ADAMTS18: variants seen among roughly 807,000 people sequenced by gnomAD.
The protein encoded by ADAMTS18 is A disintegrin and metalloproteinase with thrombospondin motifs 18.
Under a neutral mutation model 165.9 loss-of-function variants are expected in ADAMTS18, and 157 were observed. The observed-to-expected ratio is 0.95, with a 90% CI of 0.83 to 1.08. The LOEUF is 1.08. ADAMTS18 is among the 50% of genes least tolerant of loss of function. The pLI is 0.00. For missense variants in ADAMTS18, 2,040 were observed against 1,534.0 expected, an observed-to-expected ratio of 1.33 and a Z score of -5.51; for synonymous variants, 782 against 578.2, an observed-to-expected ratio of 1.35 and a Z score of -5.06.
At chr16:77,314,769 TATATATATATATATATAAA>T (rs2055854135) in intron 16 of ADAMTS18, among the ~76,000 whole-genome samples, 1 of 88,558 alleles carries the variant, frequency 1.1e-5, no homozygotes, top group African/African-American at 4.7e-5. Flanking sequence ...TATATATATA[TATATATATATATATATAAA>T]ATATATGTGA....
intron 3 of ADAMTS18, among the ~76,000 whole-genome samples, chr16:77,369,421 C>T (rs1032043125): frequency 6.6e-6 from 1 of 151,776 alleles, no homozygotes; most frequent in African/African-American, 2.4e-5. Flanking sequence ...CCTTGAGGTG[C>T]AATATTAAGT....
chr16:77,383,621 G>C (rs2057064418), intron 3 of ADAMTS18, among the ~76,000 whole-genome samples: 1 of 151,992 alleles, frequency 6.6e-6, no homozygotes. Flanking sequence ...TCAGCTCACT[G>C]CAACCTCCAC....
At chr16:77,378,365 C>G (rs544446269) in intron 3 of ADAMTS18, among the ~76,000 whole-genome samples, 5 of 146,102 alleles carry the variant, frequency 3.4e-5, no homozygotes, top group African/African-American at 1.0e-4. Flanking sequence ...AAAAAAAAAA[C>G]CAAGCCCTTT....
At chr16:77,382,971 G>T (rs1481722693) in intron 3 of ADAMTS18, among the ~76,000 whole-genome samples, 1 of 152,190 alleles carries the variant, frequency 6.6e-6, no homozygotes, top group African/African-American at 2.4e-5. Context: ...TGTGAATTTT[G>T]TGATCCAATG....
chr16:77,369,746 T>A (rs776886698), intron 3 of ADAMTS18, among the ~76,000 whole-genome samples: 1 of 152,138 alleles, frequency 6.6e-6, no homozygotes, highest in Non-Finnish European at 1.5e-5. Flanking sequence ...TCATTCTACA[T>A]GGCCTGCATC....
chr16:77,339,989 A>G (rs1042246549), intron 11 of ADAMTS18, among the ~76,000 whole-genome samples: 2 of 152,216 alleles, frequency 1.3e-5, no homozygotes, highest in East Asian at 3.9e-4. Context: ...TTAACCCACA[A>G]CCCAACAACC....
chr16:77,339,200 A>G (rs1487320091), intron 11 of ADAMTS18, among the ~76,000 whole-genome samples: 2 of 152,154 alleles, frequency 1.3e-5, no homozygotes, highest in African/African-American at 2.4e-5. Context: ...AGCCAGTGAT[A>G]TCCCCTGGTG....
chr16:77,300,832 T>C (rs971071222), intron 16 of ADAMTS18, among the ~76,000 whole-genome samples: 10 of 152,160 alleles, frequency 6.6e-5, no homozygotes, highest in Non-Finnish European at 1.5e-4. Context: ...TCTACATATA[T>C]ATATTTTTAT....
chr16:77,427,106 G>T (rs951699541), intron 3 of ADAMTS18, among the ~76,000 whole-genome samples: 2 of 152,144 alleles, frequency 1.3e-5, no homozygotes, highest in African/African-American at 4.8e-5. Flanking sequence ...TCAGATATTC[G>T]TATGCATCAG....
intron 16 of ADAMTS18, among the ~76,000 whole-genome samples, chr16:77,316,206 C>T (rs936237372): frequency 2.0e-5 from 3 of 152,126 alleles, no homozygotes; most frequent in African/African-American, 7.2e-5. Flanking sequence ...TTCCTATTTC[C>T]CCAGTTTACT....
intron 3 of ADAMTS18, among the ~76,000 whole-genome samples, chr16:77,404,270 C>T (rs1597232861): frequency 6.6e-6 from 1 of 152,138 alleles, no homozygotes; most frequent in Admixed American, 6.5e-5. Flanking sequence ...CCAATAGATG[C>T]CTATGACCAA....
At chr16:77,288,197 A>G (rs925605796) in intron 22 of ADAMTS18, among the ~76,000 whole-genome samples, 17 of 152,000 alleles carry the variant, frequency 1.1e-4, no homozygotes, top group Non-Finnish European at 2.1e-4. Context: ...CTTCCAGGAG[A>G]TACTGTTGGG....
intron 16 of ADAMTS18, among the ~76,000 whole-genome samples, chr16:77,308,111 C>G (rs560641050): frequency 6.6e-6 from 1 of 152,218 alleles, no homozygotes; most frequent in South Asian, 2.1e-4. Flanking sequence ...CCTTATTACA[C>G]TAGGAATGGG....
chr16:77,379,541 T>C (rs1020952820), intron 3 of ADAMTS18, among the ~76,000 whole-genome samples: 3 of 152,114 alleles, frequency 2.0e-5, no homozygotes, highest in Non-Finnish European at 4.4e-5. Context: ...CAGGCTGGAG[T>C]ACAGTGGAGC....
At chr16:77,320,352 CCA>C (rs929049118) in intron 15 of ADAMTS18, among the ~76,000 whole-genome samples, 9 of 152,124 alleles carry the variant, frequency 5.9e-5, no homozygotes, top group Non-Finnish European at 1.2e-4. Flanking sequence ...CTTCTCCTTC[CCA>C]GACCACAAAA....
chr16:77,319,963 G>A lies in ADAMTS18; in HGVS notation c.2418C>T (p.Ile806=), dbSNP rs769043362. 1.4e-5 allele frequency: 22 copies of A among 1,614,214 alleles called. No homozygotes were observed. The highest frequency in any genetic ancestry group is 6.7e-5 in the East Asian group (3 of 44,876). Reference sequence around the variant, plus strand: ...CGAAGGGGAACTCCCCAGGCCAGTCGATGCTCCAGCCCCCGGTGAGGTAAT... The same window carrying A: ...CGAAGGGGAACTCCCCAGGCCAGTCAATGCTCCAGCCCCCGGTGAGGTAAT... ...QKYYLTGGWS[I]DWPGEFPFAG... The change falls in exon 16 of 23, where the codon ATC becomes ATT. Residue 806 remains isoleucine, a synonymous_variant. Transcript: ENST00000282849.
Position 77,313,277 on chromosome 16 carries a change from C to T in ADAMTS18, c.2532+6572G>A, listed in dbSNP as rs185828680. On this transcript the variant is annotated intron_variant, in intron 16 of 22. Transcript: ENST00000282849. ...CTTGGACACAGGAAGGGGAAGAACACACACCGGGGCCTGTCGTCGGGTGGG... is the reference window on the plus strand; with the variant it reads ...CTTGGACACAGGAAGGGGAAGAACATACACCGGGGCCTGTCGTCGGGTGGG... Among the ~76,000 whole-genome samples the T allele has an allele frequency of 7.4e-3, 1,117 of 151,960 alleles. 11 individuals carry two copies. The highest frequency in any genetic ancestry group is 0.012 in the Non-Finnish European group (789 of 67,986).
intron 16 of ADAMTS18, among the ~76,000 whole-genome samples, chr16:77,310,637 TC>T (rs1158275834): frequency 2.2e-5 from 3 of 135,076 alleles, no homozygotes; most frequent in African/African-American, 5.7e-5. Flanking sequence ...AACCTTTTTT[TC>T]TTTTTTTTTT....
intron 13 of ADAMTS18, among the ~76,000 whole-genome samples, chr16:77,324,655 T>A (rs1057487809): frequency 1.3e-5 from 2 of 152,126 alleles, no homozygotes; most frequent in Non-Finnish European, 2.9e-5. Context: ...GAAAACAATA[T>A]GAAGGAAGAA....
Sources: gnomAD v4.1 joint callset for allele counts (sites outside exome capture counted in the v4.1 genomes callset) on GRCh38, gnomAD v4.1.1 for gene constraint, MANE v1.5 for transcripts, NCBI Gene and HGNC (gene_info 2026-07-23, HGNC 2026-07-21) for gene names.